EXT1: variants seen among roughly 807,000 people sequenced by gnomAD.
EXT1 encodes exostosin-1.
Under a neutral mutation model 82.5 loss-of-function variants are expected in EXT1, and 20 were observed. The ratio of observed to expected loss-of-function variants is 0.24; its 90% confidence interval spans 0.17 to 0.35. The LOEUF (loss-of-function observed/expected upper bound fraction) is 0.35. EXT1 is among the 10% of genes least tolerant of loss of function. EXT1 has a pLI of 1.00. For synonymous variants in EXT1, 348 were observed against 350.8 expected (o/e 0.99, Z 0.09); for missense variants, 757 against 936.5 (o/e 0.81, Z 2.50).
intron 1 of EXT1, among the ~76,000 whole-genome samples, chr8:118,040,014 T>C (rs960471425): frequency 4.6e-5 from 7 of 152,172 alleles, no homozygotes; most frequent in Admixed American, 1.3e-4. Flanking sequence ...AATGTTGAAA[T>C]TGCTGTTTAA....
At chr8:118,051,811 C>T (rs1177626668) in intron 1 of EXT1, among the ~76,000 whole-genome samples, 1 of 152,176 alleles carries the variant, frequency 6.6e-6, no homozygotes, top group East Asian at 1.9e-4. Context: ...TGAAAATATA[C>T]TGTCTCTTCT....
intron 1 of EXT1, among the ~76,000 whole-genome samples, chr8:117,980,697 G>GTTTTTTTTTTTTT (rs1491146564): frequency 7.3e-5 from 2 of 27,582 alleles, no homozygotes; most frequent in Non-Finnish European, 1.2e-4. Flanking sequence ...GGGTGTTGGT[G>GTTTTTTTTTTTTT]GTTTTTTTTT....
At position 117,833,348 on chromosome 8, in the gene EXT1, G is replaced by A. The variant is rs982030270; in HGVS notation, c.1164+2096C>T. On this transcript the variant is annotated intron_variant, in intron 3 of 10. Coordinates refer to ENST00000378204, the MANE Select transcript of EXT1 (RefSeq NM_000127.3). ...AACTGGACAAGTGGCTGGGCGCGCT[G>A]GCTCACGCCTGTAATCCCAGCACTT... 4.6e-5 allele frequency among the ~76,000 whole-genome samples: 7 copies of A among 152,316 alleles called. No individual in the cohort carries two copies. In the South Asian group the frequency reaches 1.5e-3, roughly 32 times the overall value.
At chr8:118,021,332 C>G (rs932577691) in intron 1 of EXT1, among the ~76,000 whole-genome samples, 4 of 152,200 alleles carry the variant, frequency 2.6e-5, no homozygotes, top group Non-Finnish European at 5.9e-5. Flanking sequence ...CTACTTCCAA[C>G]ATGAAAATTC....
intron 1 of EXT1, among the ~76,000 whole-genome samples, chr8:118,080,561 C>G (rs2055604462): frequency 6.6e-6 from 1 of 151,996 alleles, no homozygotes; most frequent in Admixed American, 6.6e-5. Context: ...TTTTATATCA[C>G]TTGTAGTTTA....
chr8:118,086,129 G>A (rs1817413150), intron 1 of EXT1, among the ~76,000 whole-genome samples: 1 of 152,200 alleles, frequency 6.6e-6, no homozygotes, highest in African/African-American at 2.4e-5. Flanking sequence ...AAGGTGGGAA[G>A]AGGAACACTG....
chr8:117,831,727 A>T (rs187951642), intron 3 of EXT1: 22 of 468,142 alleles, frequency 4.7e-5, no homozygotes, highest in Non-Finnish European at 8.9e-5. Flanking sequence ...CTAAGACTGT[A>T]ACAGAGTTTC....
intron 1 of EXT1, among the ~76,000 whole-genome samples, chr8:117,988,037 G>A (rs763640861): frequency 3.9e-5 from 6 of 152,164 alleles, no homozygotes; most frequent in Admixed American, 2.0e-4. Context: ...GTGGTGAGCC[G>A]TAATGGTGCC....
At chr8:118,009,737 G>A (rs1815855620) in intron 1 of EXT1, among the ~76,000 whole-genome samples, 1 of 152,174 alleles carries the variant, frequency 6.6e-6, no homozygotes, top group African/African-American at 2.4e-5. Context: ...GATCTGGGTT[G>A]CACGCTCCTT....
At chr8:117,819,021 T>G (rs1811876158) in intron 6 of EXT1, among the ~76,000 whole-genome samples, 1 of 152,244 alleles carries the variant, frequency 6.6e-6, no homozygotes, top group Non-Finnish European at 1.5e-5. Flanking sequence ...TTTTGCATGC[T>G]CTAGAATGGT....
chr8:117,999,434 C>T (rs1274198906), intron 1 of EXT1, among the ~76,000 whole-genome samples: 1 of 152,084 alleles, frequency 6.6e-6, no homozygotes, highest in East Asian at 1.9e-4. Flanking sequence ...TAGATGCACT[C>T]GATGTGATGA....
intron 1 of EXT1, among the ~76,000 whole-genome samples, chr8:117,998,868 C>A (rs571496833): frequency 7.5e-4 from 114 of 152,234 alleles, no homozygotes; most frequent in African/African-American, 2.6e-3. Flanking sequence ...TACTCCCTAA[C>A]TGAGTAACCT....
intron 1 of EXT1, among the ~76,000 whole-genome samples, chr8:117,875,346 G>A (rs1039659436): frequency 5.9e-5 from 9 of 151,994 alleles, no homozygotes; most frequent in South Asian, 2.1e-4. Flanking sequence ...GCTTGAACCC[G>A]GGAGGTGGAG....
chr8:117,819,317 TGGGTCCTCCC>T (rs1811881738), intron 6 of EXT1, among the ~76,000 whole-genome samples: 1 of 152,240 alleles, frequency 6.6e-6, no homozygotes, highest in Non-Finnish European at 1.5e-5. Context: ...CTTAGTTGTC[TGGGTCCTCCC>T]AGAGGCTTTT....
intron 7 of EXT1, 80 bp downstream of exon 7, chr8:117,818,355 T>C: frequency 9.2e-7 from 1 of 1,089,730 alleles, no homozygotes; most frequent in Non-Finnish European, 1.4e-6. Context: ...AGAAGATATC[T>C]AGGGCCAAGA....
chr8:117,810,677 G>T (rs1361559346), intron 8 of EXT1, among the ~76,000 whole-genome samples: 1 of 152,202 alleles, frequency 6.6e-6, no homozygotes, highest in African/African-American at 2.4e-5. Flanking sequence ...ACATGCTGTA[G>T]TTGTCTTGAC....
At chr8:118,037,038 A>G (rs1056996409) in intron 1 of EXT1, among the ~76,000 whole-genome samples, 4 of 152,210 alleles carry the variant, frequency 2.6e-5, no homozygotes, top group African/African-American at 9.6e-5. Context: ...GGTATACTCA[A>G]GCAAGAGTAA....
At chr8:118,037,627 T>C (rs554790256) in intron 1 of EXT1, among the ~76,000 whole-genome samples, 26 of 152,274 alleles carry the variant, frequency 1.7e-4, no homozygotes, top group African/African-American at 5.1e-4. Flanking sequence ...AGCAGGAACA[T>C]ATACTATAGA....
intron 1 of EXT1, among the ~76,000 whole-genome samples, chr8:117,879,618 C>T (rs1237461878): frequency 1.3e-5 from 2 of 152,138 alleles, no homozygotes; most frequent in Admixed American, 6.5e-5. Flanking sequence ...AATTAGAATA[C>T]AGGAAAGACA....
Sources: allele counts gnomAD v4.1 joint callset (sites outside exome capture counted in the v4.1 genomes callset), GRCh38; gene constraint gnomAD v4.1.1; transcripts MANE v1.5; gene names NCBI Gene and HGNC (gene_info 2026-07-23, HGNC 2026-07-21).